Variants in IMMP2L observed in about 807,000 individuals in gnomAD.
IMMP2L encodes the protein mitochondrial inner membrane protease subunit 2.
In IMMP2L, 18 loss-of-function variants were observed where a neutral mutation model predicts 19.3. The ratio of observed to expected loss-of-function variants is 0.93; its 90% CI spans 0.64 to 1.38. The LOEUF is 1.38. Ranked by LOEUF, IMMP2L falls within the 40% of genes most tolerant of loss-of-function variation. IMMP2L has a pLI of 0.00. For synonymous variants in IMMP2L, 76 were observed against 73.0 expected (o/e 1.04, Z -0.21); for missense variants, 233 against 218.2 (o/e 1.07, Z -0.43).
intron 5 of IMMP2L, among the ~76,000 whole-genome samples, chr7:110,786,992 A>G (rs2131119997): frequency 6.6e-6 from 1 of 152,152 alleles, no homozygotes; most frequent in South Asian, 2.1e-4. Flanking sequence ...ACACAATAGT[A>G]TTCTTTTCTT....
chr7:110,941,583 A>G (rs1395279315), intron 4 of IMMP2L, among the ~76,000 whole-genome samples: 1 of 152,320 alleles, frequency 6.6e-6, no homozygotes, highest in East Asian at 1.9e-4. Context: ...TTGTCGAATG[A>G]GAGACAAGGG....
In IMMP2L at chr7:110,728,892, T is replaced by C. The variant is rs950515591; in HGVS notation, c.409-65171A>G. ...TATATGGTAGAAGTGGGATAAACAG[T>C]TGTATTAGTCTGTTTTGTTTTGTTT... On this transcript the variant is annotated intron_variant, in intron 5 of 5. Coordinates refer to ENST00000405709, the MANE Select transcript of IMMP2L (RefSeq NM_032549.4). The surrounding 1 kb of genome is among the most constrained non-coding windows in gnomAD (Gnocchi z 4.6). Among the ~76,000 whole-genome samples, 2 of 152,108 alleles carry C rather than the reference T, an allele frequency of 1.3e-5. No homozygotes were observed. Among genetic ancestry groups the C allele is most frequent in the South Asian group, 2.1e-4 (1 of 4,808 alleles).
chr7:111,260,010 C>CA (rs931386355), intron 3 of IMMP2L, among the ~76,000 whole-genome samples: 8 of 152,232 alleles, frequency 5.3e-5, no homozygotes, highest in African/African-American at 1.9e-4. Context: ...CCTATCATAA[C>CA]AAAGCCTTCT....
intron 4 of IMMP2L, among the ~76,000 whole-genome samples, chr7:110,942,474 A>C (rs1475494299): frequency 6.6e-6 from 1 of 151,928 alleles, no homozygotes; most frequent in African/African-American, 2.4e-5. Flanking sequence ...TTAAAGTTTA[A>C]CTGCTGTGTA....
At chr7:111,203,738 C>T (rs1306896795) in intron 3 of IMMP2L, among the ~76,000 whole-genome samples, 3 of 149,222 alleles carry the variant, frequency 2.0e-5, no homozygotes, top group Admixed American at 1.3e-4. Flanking sequence ...TTTGATACAA[C>T]AAATCAAAAA....
At chr7:111,382,215 G>A (rs376178133) in intron 3 of IMMP2L, among the ~76,000 whole-genome samples, 2 of 151,804 alleles carry the variant, frequency 1.3e-5, no homozygotes, top group Non-Finnish European at 2.9e-5. Flanking sequence ...AGCCATGTAT[G>A]AACAAGAAAA....
chr7:111,253,459 A>G lies in IMMP2L; in HGVS notation c.239+233779T>C, dbSNP rs537240327. On this transcript the variant is annotated intron_variant, in intron 3 of 5. Transcript: ENST00000405709. ...GTAAACCAGACAAACCAGGGTGGGA[A>G]GGAATTTCAGGTAACATGACATACA... 3.9e-5 allele frequency among the ~76,000 whole-genome samples: 6 copies of G among 152,246 alleles called. No homozygotes were observed. The South Asian group carries it at 1.0e-3, about 26-fold the overall frequency.
chr7:110,701,491 G>A (rs933726513), intron 5 of IMMP2L, among the ~76,000 whole-genome samples: 3 of 151,902 alleles, frequency 2.0e-5, no homozygotes, highest in Admixed American at 6.6e-5. Context: ...CGCAATCTCG[G>A]CTCACTACAA....
chr7:111,558,599 T>C (rs1365353183), intron 1 of IMMP2L, among the ~76,000 whole-genome samples: 1 of 152,150 alleles, frequency 6.6e-6, no homozygotes, highest in African/African-American at 2.4e-5. Context: ...CCAGAGCTTT[T>C]TCTATACCCC....
chr7:111,018,085 A>G (rs923018340), intron 3 of IMMP2L, among the ~76,000 whole-genome samples: 1 of 152,006 alleles, frequency 6.6e-6, no homozygotes, highest in African/African-American at 2.4e-5. Context: ...TTGCTTTTCT[A>G]TTTTTCAGTT....
intron 5 of IMMP2L, among the ~76,000 whole-genome samples, chr7:110,697,079 C>T (rs1793946484): frequency 6.6e-6 from 1 of 152,080 alleles, no homozygotes; most frequent in African/African-American, 2.4e-5. Context: ...CAGAAGCAAA[C>T]CTGAGTTTGC....
At chr7:110,754,120 T>C (rs1333764654) in intron 5 of IMMP2L, among the ~76,000 whole-genome samples, 1 of 152,004 alleles carries the variant, frequency 6.6e-6, no homozygotes, top group African/African-American at 2.4e-5. Flanking sequence ...AATCTATCTA[T>C]TTTGGGAGGC....
chr7:111,424,819 A>G (rs1484243657), intron 3 of IMMP2L, among the ~76,000 whole-genome samples: 1 of 151,838 alleles, frequency 6.6e-6, no homozygotes, highest in Non-Finnish European at 1.5e-5. Context: ...TGACTTTGCA[A>G]CTTTTGTAAA....
At chr7:111,512,332 A>C (rs1845523513) in intron 2 of IMMP2L, among the ~76,000 whole-genome samples, 1 of 152,118 alleles carries the variant, frequency 6.6e-6, no homozygotes, top group Non-Finnish European at 1.5e-5. Context: ...GCAAATCTAT[A>C]AATCAGATCA....
chr7:111,384,941 A>G (rs986289489), intron 3 of IMMP2L, among the ~76,000 whole-genome samples: 6 of 152,158 alleles, frequency 3.9e-5, no homozygotes, highest in African/African-American at 1.4e-4. Context: ...AGTACTTCCT[A>G]ACACTTCCAT....
chr7:110,736,429 C>T (rs1211910254), intron 5 of IMMP2L, among the ~76,000 whole-genome samples: 2 of 152,220 alleles, frequency 1.3e-5, no homozygotes, highest in East Asian at 3.9e-4. Context: ...CTTCCAAGAC[C>T]CTGGACCAGC....
intron 1 of IMMP2L, among the ~76,000 whole-genome samples, chr7:111,538,418 T>C (rs1023246358): frequency 1.3e-5 from 2 of 152,040 alleles, no homozygotes; most frequent in African/African-American, 2.4e-5. Context: ...TCTTACCTGA[T>C]AGTTTTACTT....
At chr7:110,697,150 A>C (rs983791687) in intron 5 of IMMP2L, among the ~76,000 whole-genome samples, 1 of 152,188 alleles carries the variant, frequency 6.6e-6, no homozygotes, top group African/African-American at 2.4e-5. Context: ...TAGACTCACA[A>C]TCAGGGAAGC....
intron 5 of IMMP2L, among the ~76,000 whole-genome samples, chr7:110,683,240 T>A (rs1278465015): frequency 6.6e-6 from 1 of 152,118 alleles, no homozygotes; most frequent in African/African-American, 2.4e-5. Flanking sequence ...ATTAAATATA[T>A]AATGTAAAAC....
Sources: allele counts gnomAD v4.1 joint callset (sites outside exome capture counted in the v4.1 genomes callset), GRCh38; gene constraint gnomAD v4.1.1; non-coding constraint Gnocchi (gnomAD v3.1); transcripts MANE v1.5; gene names NCBI Gene and HGNC (gene_info 2026-07-23, HGNC 2026-07-21).